The following CCDC85A variants were observed in gnomAD, a reference collection of about 807,000 sequenced individuals.
The protein encoded by CCDC85A is coiled-coil domain-containing protein 85A.
CCDC85A carries 38 observed loss-of-function variants against 50.2 expected under a neutral mutation model. The observed-to-expected ratio is 0.76, with a 90% CI of 0.58 to 0.99. The LOEUF (loss-of-function observed/expected upper bound fraction) is 0.99. Among genes scored for constraint, CCDC85A ranks in the 50% least tolerant of loss-of-function variants. CCDC85A has a pLI of 0.00. For synonymous variants in CCDC85A, 366 were observed against 301.4 expected, an observed-to-expected ratio of 1.21 and a Z score of -2.22; for missense variants, 820 against 742.0, an observed-to-expected ratio of 1.11 and a Z score of -1.22.
At chr2:56,383,827 C>T (rs1255023255) in intron 5 of CCDC85A, 4 of 863,972 alleles carry the variant, frequency 4.6e-6, no homozygotes, top group Admixed American at 1.2e-4. Context: ...CCAGGATGAT[C>T]TTGCCAAGGT....
chr2:56,213,558 C>A (rs72801179), intron 2 of CCDC85A, among the ~76,000 whole-genome samples: 1 of 151,874 alleles, frequency 6.6e-6, no homozygotes, highest in African/African-American at 2.4e-5. Flanking sequence ...TGTTCTGCAT[C>A]TTTCTAGGAG....
upstream of CCDC85A, chr2:56,183,931 G>A: frequency 2.0e-6 from 2 of 985,386 alleles, no homozygotes; most frequent in Non-Finnish European, 2.4e-6. Context: ...GAGCTGCTGC[G>A]GGTTACGGGT....
At chr2:56,279,451 C>T (rs1274539956) in intron 2 of CCDC85A, among the ~76,000 whole-genome samples, 3 of 152,150 alleles carry the variant, frequency 2.0e-5, no homozygotes, top group Non-Finnish European at 4.4e-5. Flanking sequence ...CTCCCCTTCA[C>T]CCCTGGCTCC....
chr2:56,327,109 C>CA (rs1673509914), intron 2 of CCDC85A, among the ~76,000 whole-genome samples: 1 of 152,070 alleles, frequency 6.6e-6, no homozygotes, highest in African/African-American at 2.4e-5. Context: ...AGATATTCCA[C>CA]AAATGTTTGT....
At chr2:56,360,302 C>T (rs892314067) in intron 3 of CCDC85A, among the ~76,000 whole-genome samples, 6 of 152,184 alleles carry the variant, frequency 3.9e-5, no homozygotes, top group African/African-American at 1.4e-4. Flanking sequence ...ACAGCTACCA[C>T]GTGAAGCTAA....
intron 2 of CCDC85A, among the ~76,000 whole-genome samples, chr2:56,243,954 G>C (rs1669386042): frequency 6.6e-6 from 1 of 152,192 alleles, no homozygotes; most frequent in African/African-American, 2.4e-5. Flanking sequence ...TACCAGGCAA[G>C]ATCTTTGTTC....
chr2:56,240,536 G>A (rs1004639085), intron 2 of CCDC85A, among the ~76,000 whole-genome samples: 4 of 152,060 alleles, frequency 2.6e-5, no homozygotes, highest in Non-Finnish European at 5.9e-5. Flanking sequence ...TGTTCAAAAT[G>A]CCAAGAGCCT....
chr2:56,301,186 G>C (rs924825205), intron 2 of CCDC85A, among the ~76,000 whole-genome samples: 2 of 152,068 alleles, frequency 1.3e-5, no homozygotes, highest in Non-Finnish European at 2.9e-5. Flanking sequence ...CAATATTTCT[G>C]TTGTATGAAG....
intron 2 of CCDC85A, among the ~76,000 whole-genome samples, chr2:56,326,138 A>G (rs966970335): frequency 6.6e-6 from 1 of 152,122 alleles, no homozygotes; most frequent in Non-Finnish European, 1.5e-5. Flanking sequence ...AGGACTATTT[A>G]TAATGCTGCA....
At chr2:56,209,817 G>A (rs1360008817) in intron 2 of CCDC85A, among the ~76,000 whole-genome samples, 2 of 151,884 alleles carry the variant, frequency 1.3e-5, no homozygotes, top group Admixed American at 6.6e-5. Flanking sequence ...TATGTATGAG[G>A]TTCACTTTTT....
chr2:56,247,716 T>C (rs1473302161), intron 2 of CCDC85A, among the ~76,000 whole-genome samples: 1 of 152,186 alleles, frequency 6.6e-6, no homozygotes, highest in Admixed American at 6.5e-5. Context: ...TAAAAAGATA[T>C]CATAAGGGAT....
rs1676341146 is a variant in CCDC85A, at chr2:56,192,552, A to C, written c.352A>C (p.Lys118Gln). 13 of 1,613,926 alleles carry C rather than the reference A, an allele frequency of 8.1e-6. No homozygotes were observed. The highest frequency in any genetic ancestry group is 1.1e-5 in the Non-Finnish European group (13 of 1,179,864). ...CTGTTTCCTGGATGATGACCGGCAG[A>C]AAGGCAAGAGGGTGTCTCGGGAGTG... ...LCCFLDDDRQKGKRVSREWQR... is the reference protein window; with the variant it reads ...LCCFLDDDRQQGKRVSREWQR... Residue 118 changes from lysine to glutamine, a missense_variant, in exon 2 of 6, where the codon AAA becomes CAA. Transcript: ENST00000407595. The surrounding 1 kb of genome is among the most constrained non-coding windows in gnomAD (Gnocchi z 4.7).
At chr2:56,377,574 A>T (rs1190656287) in intron 5 of CCDC85A, among the ~76,000 whole-genome samples, 2 of 152,148 alleles carry the variant, frequency 1.3e-5, no homozygotes, top group Non-Finnish European at 2.9e-5. Flanking sequence ...GCCTAAAAGG[A>T]AGGGGAGGGC....
chr2:56,198,958 C>G (rs114802328), intron 2 of CCDC85A, among the ~76,000 whole-genome samples: 1 of 152,184 alleles, frequency 6.6e-6, no homozygotes, highest in South Asian at 2.1e-4. Context: ...TAAAGTAAAC[C>G]AAGAATCTCT....
At chr2:56,194,875 A>G (rs1308930527) in intron 2 of CCDC85A, among the ~76,000 whole-genome samples, 1 of 38,902 alleles carries the variant, frequency 2.6e-5, no homozygotes, top group Non-Finnish European at 5.9e-5. Context: ...CCCCCACCCC[A>G]TTGCTGTGGG....
intron 5 of CCDC85A, among the ~76,000 whole-genome samples, chr2:56,378,069 A>G (rs1240994293): frequency 2.6e-5 from 4 of 152,192 alleles, no homozygotes; most frequent in African/African-American, 7.2e-5. Context: ...GTGTTAGGAC[A>G]CAGAAATATG....
At chr2:56,215,788 G>A (rs552348298) in intron 2 of CCDC85A, among the ~76,000 whole-genome samples, 11 of 151,736 alleles carry the variant, frequency 7.2e-5, no homozygotes, top group South Asian at 2.1e-4. Context: ...AGCTTGGGTC[G>A]GTAAATTATG....
chr2:56,250,900 A>G (rs1046405856), intron 2 of CCDC85A, among the ~76,000 whole-genome samples: 3 of 152,014 alleles, frequency 2.0e-5, no homozygotes, highest in Non-Finnish European at 2.9e-5. Context: ...TCTTTCTGTC[A>G]TATTCCCAGT....
chr2:56,364,342 TG>T (rs1675684651), intron 3 of CCDC85A, among the ~76,000 whole-genome samples: 1 of 150,872 alleles, frequency 6.6e-6, no homozygotes, highest in South Asian at 2.1e-4. Flanking sequence ...TTATTTTTTC[TG>T]GGAACTATAT....
Sources: allele counts gnomAD v4.1 joint callset (sites outside exome capture counted in the v4.1 genomes callset), GRCh38; gene constraint gnomAD v4.1.1; non-coding constraint Gnocchi (gnomAD v3.1); transcripts MANE v1.5; gene names NCBI Gene and HGNC (gene_info 2026-07-23, HGNC 2026-07-21).